BCAS3: variants seen among roughly 807,000 people sequenced by gnomAD.
BCAS3 encodes BCAS3 microtubule associated cell migration factor.
Under a neutral mutation model 116.1 loss-of-function variants are expected in BCAS3, and 53 were observed. The ratio of observed to expected loss-of-function variants is 0.46; its 90% CI spans 0.37 to 0.57. The LOEUF (loss-of-function observed/expected upper bound fraction) is 0.57. Among genes scored for constraint, BCAS3 ranks in the 20% least tolerant of loss-of-function variants. The probability of loss-of-function intolerance (pLI) is 0.00; values close to 1 mark genes in which losing one functional copy is unlikely to be tolerated. For synonymous variants in BCAS3, 391 were observed against 408.2 expected (o/e 0.96, Z 0.51); for missense variants, 917 against 1,165.4 (o/e 0.79, Z 3.10).
At position 60,991,138 on chromosome 17, in the gene BCAS3, G is replaced by C. The variant is rs189994358; in HGVS notation, c.1486+903G>C. ...ATGGTAACCACTTCTTTACTTTTTA[G>C]AATATTTCTACTCCTAAGCAAGTGT... On this transcript the variant is annotated intron_variant, in intron 15 of 23. Coordinates refer to ENST00000407086, the MANE Select transcript of BCAS3 (RefSeq NM_017679.5). Among the ~76,000 whole-genome samples, 587 of 152,080 alleles carry C rather than the reference G, an allele frequency of 3.9e-3. 3 individuals are homozygous for C. The highest frequency in any genetic ancestry group is 0.014 in the African/African-American group (571 of 41,486).
intron 22 of BCAS3, among the ~76,000 whole-genome samples, chr17:61,242,857 A>C (rs2047635827): frequency 6.6e-6 from 1 of 152,046 alleles, no homozygotes; most frequent in South Asian, 2.1e-4. Flanking sequence ...AAAAAAACAA[A>C]AAAACCCAAA....
intron 5 of BCAS3, among the ~76,000 whole-genome samples, chr17:60,742,249 T>G (rs189521660): frequency 6.1e-4 from 93 of 152,244 alleles, no homozygotes; most frequent in African/African-American, 2.2e-3. Context: ...TTACTATCAG[T>G]TTTTGACAGC....
intron 22 of BCAS3, among the ~76,000 whole-genome samples, chr17:61,190,223 A>G (rs1007324778): frequency 1.3e-5 from 2 of 152,056 alleles, no homozygotes; most frequent in African/African-American, 4.8e-5. Context: ...GAATTATAGA[A>G]TGAATAGAAA....
In BCAS3 at chr17:61,378,846, A is replaced by C. The variant is rs2059461642; in HGVS notation, c.2593+10352A>C. On this transcript the variant is annotated intron_variant, in intron 23 of 23. Transcript: ENST00000407086. This position sits in a 1 kb window ranked among gnomAD's most constrained non-coding sequence, Gnocchi z 5.8. Reference sequence around the variant, plus strand: ...CCACCCCACCTTCGTCACTAAGGCTACTGGAAGCCCCGCCAGGGGCAGAGC... The same window carrying C: ...CCACCCCACCTTCGTCACTAAGGCTCCTGGAAGCCCCGCCAGGGGCAGAGC... The C allele has an allele frequency of 6.6e-6, 1 of 152,272 alleles. No homozygotes were observed. Among genetic ancestry groups the C allele is most frequent in the Non-Finnish European group, 1.5e-5 (1 of 68,084 alleles). 9.4% of individuals were successfully genotyped at this position (152,272 alleles called of 1,614,324 possible).
chr17:60,768,396 A>T (rs2044323008), intron 6 of BCAS3, among the ~76,000 whole-genome samples: 1 of 152,196 alleles, frequency 6.6e-6, no homozygotes, highest in African/African-American at 2.4e-5. Context: ...AATATAAAGC[A>T]GGCAGAAATA....
rs55821702 is a variant in BCAS3 at position 61,186,246 on chromosome 17, A to G, written c.2425+101682A>G. On this transcript the variant is annotated intron_variant, in intron 22 of 23. Transcript: ENST00000407086. The surrounding 1 kb of genome is among the most constrained non-coding windows in gnomAD (Gnocchi z 4.9). ...CTTTGATATGATAGCTTATTTATAT[A>G]TTCATACACATTCTATAAAACCATT... Among the ~76,000 whole-genome samples the G allele has an allele frequency of 1.9e-3, 292 of 152,264 alleles. 2 individuals are homozygous for G. Among genetic ancestry groups the G allele is most frequent in the Non-Finnish European group, 3.6e-3 (242 of 68,000 alleles).
At chr17:61,358,821 T>C (rs1428110886) in intron 22 of BCAS3, among the ~76,000 whole-genome samples, 4 of 152,150 alleles carry the variant, frequency 2.6e-5, no homozygotes, top group Admixed American at 2.0e-4. Flanking sequence ...TATTGCCAAA[T>C]TGCCCGTCAG....
intron 22 of BCAS3, among the ~76,000 whole-genome samples, chr17:61,201,828 G>A (rs1472639434): frequency 3.4e-5 from 5 of 148,936 alleles, no homozygotes; most frequent in East Asian, 2.0e-4. Context: ...GCGCAATCTC[G>A]GCTCACTGCA....
intron 22 of BCAS3, among the ~76,000 whole-genome samples, chr17:61,175,388 GAA>G (rs35733395): frequency 7.1e-6 from 1 of 140,526 alleles, no homozygotes; most frequent in Non-Finnish European, 1.6e-5. Context: ...GACACAGTGG[GAA>G]AAAAAAAAAA....
At chr17:60,765,881 GTTTGT>G (rs2044042060) in intron 6 of BCAS3, among the ~76,000 whole-genome samples, 2 of 152,218 alleles carry the variant, frequency 1.3e-5, no homozygotes, top group South Asian at 4.2e-4. Flanking sequence ...TGGAGGCTTT[GTTTGT>G]TTCATTTTAC....
intron 13 of BCAS3, among the ~76,000 whole-genome samples, chr17:60,933,966 C>G (rs984818174): frequency 6.6e-6 from 1 of 152,086 alleles, no homozygotes; most frequent in African/African-American, 2.4e-5. Context: ...AGAATTAGTT[C>G]TGTTTGCTCT....
At chr17:61,236,354 C>G (rs1004180815) in intron 22 of BCAS3, among the ~76,000 whole-genome samples, 3 of 152,184 alleles carry the variant, frequency 2.0e-5, no homozygotes, top group South Asian at 2.1e-4. Flanking sequence ...GAGTCTCGCT[C>G]TGTCACCCAG....
At chr17:60,818,278 G>A (rs1320310059) in intron 7 of BCAS3, among the ~76,000 whole-genome samples, 4 of 152,082 alleles carry the variant, frequency 2.6e-5, no homozygotes, top group Non-Finnish European at 5.9e-5. Flanking sequence ...ATTACAAACT[G>A]GCAAAAGCAT....
At chr17:60,745,717 T>A (rs1456951296) in intron 5 of BCAS3, among the ~76,000 whole-genome samples, 6 of 152,114 alleles carry the variant, frequency 3.9e-5, no homozygotes, top group African/African-American at 1.4e-4. Context: ...GTTTCATTGG[T>A]GATAGGTGGT....
intron 22 of BCAS3, among the ~76,000 whole-genome samples, chr17:61,168,157 C>T (rs1270301977): frequency 6.6e-6 from 1 of 152,090 alleles, no homozygotes; most frequent in South Asian, 2.1e-4. Flanking sequence ...TTTCTTTTTT[C>T]CCATCTGTCT....
chr17:60,784,195 G>A (rs929442386), intron 6 of BCAS3, among the ~76,000 whole-genome samples: 8 of 149,936 alleles, frequency 5.3e-5, no homozygotes, highest in Non-Finnish European at 1.2e-4. Context: ...TTGGGAATAC[G>A]CAGGAAAGAA....
chr17:61,165,192 C>T (rs1366818012), intron 22 of BCAS3, among the ~76,000 whole-genome samples: 1 of 152,096 alleles, frequency 6.6e-6, no homozygotes, highest in African/African-American at 2.4e-5. Context: ...CTGTTAGGAC[C>T]AACAGCATGT....
At chr17:60,747,575 T>C (rs1172705152) in intron 6 of BCAS3, among the ~76,000 whole-genome samples, 1 of 152,202 alleles carries the variant, frequency 6.6e-6, no homozygotes, top group Non-Finnish European at 1.5e-5. Context: ...TTTTCTCTCT[T>C]GGTTTTCATG....
rs1402233317 is a variant in BCAS3 at position 61,239,942 on chromosome 17, G to T, written c.2426-128385G>T. 3.3e-5 allele frequency among the ~76,000 whole-genome samples: 5 copies of T among 152,194 alleles called. No individual in the cohort carries two copies. Among genetic ancestry groups the T allele is most frequent in the Non-Finnish European group, 1.5e-5 (1 of 68,040 alleles). On this transcript the variant is annotated intron_variant, in intron 22 of 23. Transcript: ENST00000407086. The surrounding 1 kb of genome is among the most constrained non-coding windows in gnomAD (Gnocchi z 4.2). ...TGAAGCCATAATTGTTGTGTTGGAAGTTCTCAGCCCTAAAAGTTCTGCACT... is the reference window on the plus strand; with the variant it reads ...TGAAGCCATAATTGTTGTGTTGGAATTTCTCAGCCCTAAAAGTTCTGCACT...
Sources: gnomAD v4.1 joint callset for allele counts (sites outside exome capture counted in the v4.1 genomes callset) on GRCh38, gnomAD v4.1.1 for gene constraint, Gnocchi (gnomAD v3.1) non-coding constraint, MANE v1.5 for transcripts, NCBI Gene and HGNC (gene_info 2026-07-23, HGNC 2026-07-21) for gene names.